TAFA1: variants seen among roughly 807,000 people sequenced by gnomAD.
The protein encoded by TAFA1 is chemokine-like protein TAFA-1.
In TAFA1, 4 loss-of-function variants were observed where a neutral mutation model predicts 18.5. The ratio of observed to expected loss-of-function variants is 0.22; its 90% CI spans 0.11 to 0.49. TAFA1 has a LOEUF of 0.49. TAFA1 is among the 20% of genes least tolerant of loss of function. The probability of loss-of-function intolerance (pLI) is 0.98; values close to 1 mark genes in which losing one functional copy is unlikely to be tolerated. For synonymous variants in TAFA1, 56 were observed against 55.2 expected (o/e 1.01, Z -0.06); for missense variants, 147 against 169.0 (o/e 0.87, Z 0.72).
intron 2 of TAFA1, among the ~76,000 whole-genome samples, chr3:68,209,421 T>TA (rs1310587634): frequency 6.6e-6 from 1 of 152,052 alleles, no homozygotes; most frequent in Non-Finnish European, 1.5e-5. Context: ...GACTGTTAGA[T>TA]AAAAAATGGA....
At chr3:68,109,985 CT>C (rs773087024) in intron 2 of TAFA1, among the ~76,000 whole-genome samples, 10 of 151,880 alleles carry the variant, frequency 6.6e-5, no homozygotes, top group Non-Finnish European at 1.5e-4. Context: ...TTTTCTTCAA[CT>C]TTTAAGTTCT....
chr3:68,381,516 T>C (rs1401642450), intron 2 of TAFA1, among the ~76,000 whole-genome samples: 1 of 152,216 alleles, frequency 6.6e-6, no homozygotes, highest in Non-Finnish European at 1.5e-5. Flanking sequence ...GCAGGTATTT[T>C]ATTCTCTTTG....
At chr3:68,237,979 C>T (rs2107130095) in intron 2 of TAFA1, among the ~76,000 whole-genome samples, 1 of 151,754 alleles carries the variant, frequency 6.6e-6, no homozygotes, top group African/African-American at 2.4e-5. Flanking sequence ...TGGTCATTTG[C>T]TTTTTGTTAT....
intron 2 of TAFA1, among the ~76,000 whole-genome samples, chr3:68,369,257 C>G (rs1361755613): frequency 1.3e-5 from 2 of 152,258 alleles, no homozygotes; most frequent in Middle Eastern, 3.4e-3. Flanking sequence ...GAAAGGCTAA[C>G]AAAGGCCACC....
intron 3 of TAFA1, among the ~76,000 whole-genome samples, chr3:68,459,913 A>G (rs2106919098): frequency 6.6e-6 from 1 of 152,348 alleles, no homozygotes; most frequent in Non-Finnish European, 1.5e-5. Context: ...TGTGCTTTTA[A>G]TATTTGTTCA....
chr3:68,261,650 G>T (rs984324668), intron 2 of TAFA1, among the ~76,000 whole-genome samples: 2 of 152,114 alleles, frequency 1.3e-5, no homozygotes, highest in Non-Finnish European at 2.9e-5. Flanking sequence ...ATCATTCTCA[G>T]CAAACTATCA....
chr3:68,267,689 A>G (rs1421323882), intron 2 of TAFA1, among the ~76,000 whole-genome samples: 1 of 151,386 alleles, frequency 6.6e-6, no homozygotes, highest in Admixed American at 6.6e-5. Flanking sequence ...TTTTTTTAAT[A>G]TTTAAGGGAA....
Position 68,310,576 on chromosome 3 carries a change from A to G in TAFA1, c.119-106704A>G, listed in dbSNP as rs529659821. On this transcript the variant is annotated intron_variant, in intron 2 of 4. Transcript: ENST00000478136. ...CATATTCATTACAACTTTTCAAATT[A>G]TAATTCATATAAACACTATCATAAA... Among the ~76,000 whole-genome samples the G allele has an allele frequency of 5.1e-4, 78 of 152,336 alleles. 2 individuals carry two copies. The highest frequency in any genetic ancestry group is 6.8e-3 in the Middle Eastern group (2 of 294).
At chr3:68,497,684 A>G (rs1219132626) in intron 3 of TAFA1, among the ~76,000 whole-genome samples, 2 of 152,222 alleles carry the variant, frequency 1.3e-5, no homozygotes, top group African/African-American at 4.8e-5. Context: ...TGGAGTACTC[A>G]CAAAGGACCT....
chr3:68,001,758 C>T (rs1393442764), upstream of TAFA1, among the ~76,000 whole-genome samples: 3 of 152,042 alleles, frequency 2.0e-5, no homozygotes. Context: ...TTTCATCAGT[C>T]AGTATAGACT....
chr3:68,398,087 A>G (rs1326054847), intron 2 of TAFA1, among the ~76,000 whole-genome samples: 1 of 151,874 alleles, frequency 6.6e-6, no homozygotes, highest in Non-Finnish European at 1.5e-5. Context: ...TTCATATGGA[A>G]TAAAAAAAAG....
At chr3:68,516,361 T>C (rs2106740219) in intron 3 of TAFA1, among the ~76,000 whole-genome samples, 1 of 152,338 alleles carries the variant, frequency 6.6e-6, no homozygotes, top group Middle Eastern at 3.4e-3. Flanking sequence ...CTCAGTCTGG[T>C]GCTTTTCATC....
At chr3:68,161,397 T>A (rs375771879) in intron 2 of TAFA1, among the ~76,000 whole-genome samples, 5 of 152,300 alleles carry the variant, frequency 3.3e-5, no homozygotes, top group African/African-American at 9.6e-5. Context: ...GCAGTATCAG[T>A]GTCTCTTGAA....
chr3:68,373,624 A>C (rs2069754980), intron 2 of TAFA1, among the ~76,000 whole-genome samples: 1 of 152,168 alleles, frequency 6.6e-6, no homozygotes, highest in South Asian at 2.1e-4. Context: ...TCTTTTGAGC[A>C]TGTTTCACAC....
At chr3:68,122,851 T>C (rs964836497) in intron 2 of TAFA1, among the ~76,000 whole-genome samples, 2 of 152,150 alleles carry the variant, frequency 1.3e-5, no homozygotes, top group African/African-American at 4.8e-5. Flanking sequence ...TATTATACAC[T>C]AGATTTTTAC....
intron 2 of TAFA1, among the ~76,000 whole-genome samples, chr3:68,123,878 CAAAA>C (rs758966848): frequency 1.9e-4 from 14 of 72,128 alleles, no homozygotes; most frequent in African/African-American, 7.7e-4. Context: ...CTTTTTTTTC[CAAAA>C]AAAAAAAAAA....
At chr3:68,427,492 C>T (rs889694614) in intron 3 of TAFA1, among the ~76,000 whole-genome samples, 1 of 151,798 alleles carries the variant, frequency 6.6e-6, no homozygotes, top group Non-Finnish European at 1.5e-5. Context: ...TGGTACATTG[C>T]TATGTGGAAA....
At chr3:68,349,977 C>T (rs768165383) in intron 2 of TAFA1, among the ~76,000 whole-genome samples, 4 of 152,110 alleles carry the variant, frequency 2.6e-5, no homozygotes, top group Non-Finnish European at 5.9e-5. Flanking sequence ...ACTCCCAACC[C>T]AGTTTACTTC....
intron 2 of TAFA1, among the ~76,000 whole-genome samples, chr3:68,358,987 G>T (rs1291078405): frequency 1.3e-5 from 2 of 151,902 alleles, no homozygotes; most frequent in Non-Finnish European, 2.9e-5. Flanking sequence ...TGGCCAATCT[G>T]CCACTTTTTG....
Sources: allele counts gnomAD v4.1 joint callset (sites outside exome capture counted in the v4.1 genomes callset), GRCh38; gene constraint gnomAD v4.1.1; transcripts MANE v1.5; gene names NCBI Gene and HGNC (gene_info 2026-07-23, HGNC 2026-07-21).